GRM8: variants seen among roughly 807,000 people sequenced by gnomAD.
GRM8 encodes glutamate metabotropic receptor 8.
In GRM8, 47 loss-of-function variants were observed where a neutral mutation model predicts 87.2. That is an observed-to-expected ratio of 0.54 (90% CI 0.43 to 0.69). The LOEUF is 0.69. GRM8 is among the 30% of genes least tolerant of loss of function. The pLI, the probability that GRM8 is intolerant of heterozygous loss-of-function variation, is 0.00. For synonymous variants in GRM8, 396 were observed against 404.5 expected, an observed-to-expected ratio of 0.98 and a Z score of 0.25; for missense variants, 1,019 against 1,139.2, an observed-to-expected ratio of 0.89 and a Z score of 1.52.
At chr7:126,736,076 C>T (rs1814180426) in intron 7 of GRM8, among the ~76,000 whole-genome samples, 1 of 152,030 alleles carries the variant, frequency 6.6e-6, no homozygotes, top group Non-Finnish European at 1.5e-5. Context: ...AGACTCATGG[C>T]TCAGCACAAA....
intron 6 of GRM8, among the ~76,000 whole-genome samples, chr7:126,829,930 T>C (rs1195016118): frequency 2.6e-5 from 4 of 152,198 alleles, no homozygotes; most frequent in African/African-American, 9.7e-5. Flanking sequence ...TTTGCTTGTC[T>C]GTGAAGTATT....
chr7:126,499,766 G>C lies in GRM8; in HGVS notation c.2430+33186C>G, dbSNP rs189537539. On this transcript the variant is annotated intron_variant, in intron 9 of 10. Transcript: ENST00000339582. ...AATCTAAAGAACTCATAGAAGTAGA[G>C]AGTAGAATGGTGGTTACCAGAGGCT... 1.0e-3 allele frequency among the ~76,000 whole-genome samples: 154 copies of C among 152,000 alleles called. 1 individual carries two copies. Among genetic ancestry groups the C allele is most frequent in the Non-Finnish European group, 1.9e-4 (13 of 67,904 alleles).
At chr7:126,807,475 G>A (rs570219897) in intron 6 of GRM8, among the ~76,000 whole-genome samples, 1 of 152,150 alleles carries the variant, frequency 6.6e-6, no homozygotes, top group East Asian at 1.9e-4. Context: ...GCTAACCCTC[G>A]GTTTGACAAA....
chr7:127,027,133 T>G (rs1329610992), intron 3 of GRM8, among the ~76,000 whole-genome samples: 1 of 152,160 alleles, frequency 6.6e-6, no homozygotes, highest in Non-Finnish European at 1.5e-5. Context: ...TTGTCAAAGA[T>G]CAGATGGTTG....
intron 3 of GRM8, among the ~76,000 whole-genome samples, chr7:127,036,988 T>C (rs1191778535): frequency 1.3e-5 from 2 of 152,118 alleles, no homozygotes; most frequent in African/African-American, 4.8e-5. Context: ...CTGCTTTTAA[T>C]TTAAAATAGA....
At chr7:126,904,165 T>G in intron 4 of GRM8, 39 bp from the exon 5 acceptor site, 1 of 1,502,418 alleles carries the variant, frequency 6.7e-7, no homozygotes, top group Non-Finnish European at 9.2e-7. Context: ...TCACATGTAT[T>G]AAAAATACCA....
At chr7:127,048,287 GT>G (rs1819139026) in intron 3 of GRM8, among the ~76,000 whole-genome samples, 1 of 152,304 alleles carries the variant, frequency 6.6e-6, no homozygotes, top group African/African-American at 2.4e-5. Context: ...TTCCTGGTGT[GT>G]CCAGGCAATG....
At chr7:127,198,874 C>T (rs2116540351) in intron 2 of GRM8, among the ~76,000 whole-genome samples, 1 of 146,554 alleles carries the variant, frequency 6.8e-6, no homozygotes, top group Non-Finnish European at 1.5e-5. Flanking sequence ...GAGTTTTGCC[C>T]TTGTTGCCCA....
chr7:126,952,983 T>C (rs1472364235), intron 3 of GRM8, among the ~76,000 whole-genome samples: 1 of 152,064 alleles, frequency 6.6e-6, no homozygotes, highest in Non-Finnish European at 1.5e-5. Context: ...TGTTAATTTC[T>C]GGGTTCTGAT....
At chr7:127,248,513 T>C (rs1479269262) in intron 1 of GRM8, among the ~76,000 whole-genome samples, 1 of 152,182 alleles carries the variant, frequency 6.6e-6, no homozygotes, top group Non-Finnish European at 1.5e-5. Flanking sequence ...AGACACTGAT[T>C]CTAGTCTTAC....
intron 6 of GRM8, among the ~76,000 whole-genome samples, chr7:126,874,218 A>G (rs1434003535): frequency 1.3e-5 from 2 of 152,070 alleles, no homozygotes; most frequent in Admixed American, 6.6e-5. Flanking sequence ...TTTGGATTAA[A>G]TGCATTCTCA....
intron 2 of GRM8, among the ~76,000 whole-genome samples, chr7:127,133,005 G>A (rs1039671878): frequency 6.6e-6 from 1 of 152,218 alleles, no homozygotes; most frequent in Non-Finnish European, 1.5e-5. Flanking sequence ...AGTGGCACAT[G>A]CCTATAGTCC....
chr7:126,922,944 C>A (rs572644875), intron 3 of GRM8, among the ~76,000 whole-genome samples: 6 of 152,148 alleles, frequency 3.9e-5, no homozygotes, highest in Non-Finnish European at 8.8e-5. Context: ...AAGCAGATGC[C>A]ACTATGCTTC....
intron 6 of GRM8, among the ~76,000 whole-genome samples, chr7:126,808,480 T>G (rs1162988330): frequency 6.6e-6 from 1 of 152,170 alleles, no homozygotes; most frequent in Non-Finnish European, 1.5e-5. Flanking sequence ...ACACTCAAGA[T>G]GAATTAACTG....
intron 9 of GRM8, among the ~76,000 whole-genome samples, chr7:126,516,879 G>C (rs1812248535): frequency 6.6e-6 from 1 of 151,588 alleles, no homozygotes; most frequent in South Asian, 2.1e-4. Context: ...ATCAAATACT[G>C]CAAATATATG....
chr7:126,572,935 C>T (rs1194078139), intron 8 of GRM8, among the ~76,000 whole-genome samples: 2 of 151,986 alleles, frequency 1.3e-5, no homozygotes, highest in Non-Finnish European at 2.9e-5. Flanking sequence ...GAATGCATAA[C>T]CACAAACGGT....
intron 7 of GRM8, among the ~76,000 whole-genome samples, chr7:126,640,782 G>A (rs73226907): frequency 6.6e-6 from 1 of 151,468 alleles, no homozygotes; most frequent in Non-Finnish European, 1.5e-5. Flanking sequence ...CTCTCTCCCT[G>A]TCTCCTGATT....
intron 8 of GRM8, among the ~76,000 whole-genome samples, chr7:126,572,688 T>C (rs965516075): frequency 6.6e-6 from 1 of 152,216 alleles, no homozygotes; most frequent in African/African-American, 2.4e-5. Flanking sequence ...GGGAATTTCT[T>C]TTAGGATGCA....
chr7:126,706,162 T>C (rs566067786), intron 7 of GRM8, among the ~76,000 whole-genome samples: 10 of 152,232 alleles, frequency 6.6e-5, no homozygotes, highest in South Asian at 2.1e-4. Flanking sequence ...CTGAGAGAAA[T>C]TGCCTAGTAG....
Sources: allele counts gnomAD v4.1 joint callset (sites outside exome capture counted in the v4.1 genomes callset), GRCh38; gene constraint gnomAD v4.1.1; transcripts MANE v1.5; gene names NCBI Gene and HGNC (gene_info 2026-07-23, HGNC 2026-07-21).